The following TLN2 variants were observed in gnomAD, a reference collection of about 807,000 sequenced individuals.
TLN2 encodes talin 2, also known as talin-2.
TLN2 carries 118 observed loss-of-function variants against 294.7 expected under a neutral mutation model. The observed-to-expected ratio is 0.40, with a 90% CI of 0.34 to 0.47. TLN2 has a LOEUF of 0.47. TLN2 is among the 20% of genes least tolerant of loss of function. The pLI is 0.84. For missense variants in TLN2, 3,083 were observed against 3,282.2 expected, an observed-to-expected ratio of 0.94 and a Z score of 1.48; for synonymous variants, 1,431 against 1,304.5, an observed-to-expected ratio of 1.10 and a Z score of -2.09.
At chr15:62,615,360 A>G (rs1280176895) in intron 2 of TLN2, among the ~76,000 whole-genome samples, 3 of 152,236 alleles carry the variant, frequency 2.0e-5, no homozygotes, top group Non-Finnish European at 4.4e-5. Context: ...CAATTGTACA[A>G]TAAATACAAC....
At chr15:62,776,154 GACAC>G (rs2063705993) in intron 42 of TLN2, among the ~76,000 whole-genome samples, 1 of 152,108 alleles carries the variant, frequency 6.6e-6, no homozygotes, top group African/African-American at 2.4e-5. Context: ...TACTCTGCTT[GACAC>G]AGGTGTGAAA....
intron 22 of TLN2, 143 bp downstream of exon 22, chr15:62,712,220 T>C (rs2059470651): frequency 9.9e-7 from 1 of 1,010,568 alleles, no homozygotes; most frequent in Admixed American, 2.8e-5. Context: ...TCTAACCCTG[T>C]TCTTGTGGCA....
chr15:62,745,275 C>G (rs1039862377), intron 32 of TLN2, among the ~76,000 whole-genome samples: 2 of 151,822 alleles, frequency 1.3e-5, no homozygotes, highest in East Asian at 3.9e-4. Flanking sequence ...GGTTATTTAG[C>G]TTTTTTGTAT....
intron 48 of TLN2, 114 bp downstream of exon 48, chr15:62,797,516 G>A: frequency 7.9e-7 from 1 of 1,258,062 alleles, no homozygotes; most frequent in South Asian, 1.6e-5. Flanking sequence ...CAATGTGTGT[G>A]TGAGTGTGTC....
intron 1 of TLN2, among the ~76,000 whole-genome samples, chr15:62,557,716 T>C (rs2042687205): frequency 1.3e-5 from 2 of 152,208 alleles, no homozygotes; most frequent in Admixed American, 6.5e-5. Flanking sequence ...TAATTTTTTA[T>C]TTTTAGTAGA....
At chr15:62,395,522 A>G (rs2032474877) in intron 1 of TLN2, among the ~76,000 whole-genome samples, 1 of 152,216 alleles carries the variant, frequency 6.6e-6, no homozygotes, top group African/African-American at 2.4e-5. Flanking sequence ...CCTTTTGGAA[A>G]AGCAGATCAT....
chr15:62,660,669 T>C (rs2053712968), intron 9 of TLN2, among the ~76,000 whole-genome samples: 1 of 152,228 alleles, frequency 6.6e-6, no homozygotes, highest in African/African-American at 2.4e-5. Flanking sequence ...ATGTGGAATT[T>C]TGTACAAATG....
chr15:62,831,660 T>G (rs2068862279), intron 54 of TLN2: 1 of 152,190 alleles, frequency 6.6e-6, no homozygotes, highest in South Asian at 2.1e-4. Context: ...CTGAATACTC[T>G]TAGAGCAAGA....
chr15:62,825,784 A>ATATAT (rs1555521865), intron 54 of TLN2, among the ~76,000 whole-genome samples: 878 of 14,238 alleles, frequency 0.062, 49 homozygotes, highest in Middle Eastern at 0.071. Flanking sequence ...ATAATATATT[A>ATATAT]TATATTATAA....
At chr15:62,502,295 C>G (rs72753883) in intron 1 of TLN2, among the ~76,000 whole-genome samples, 100 of 152,368 alleles carry the variant, frequency 6.6e-4, no homozygotes, top group Non-Finnish European at 9.6e-4. Flanking sequence ...TTCTCAAATG[C>G]TTTCAAAACA....
intron 1 of TLN2, among the ~76,000 whole-genome samples, chr15:62,585,364 A>G (rs2045506015): frequency 6.6e-6 from 1 of 152,172 alleles, no homozygotes; most frequent in African/African-American, 2.4e-5. Flanking sequence ...ACACCATGCT[A>G]AAAACTTCAC....
chr15:62,604,817 T>C (rs959713755), intron 2 of TLN2, among the ~76,000 whole-genome samples: 2 of 151,900 alleles, frequency 1.3e-5, no homozygotes, highest in Non-Finnish European at 2.9e-5. Context: ...CCATAGATTA[T>C]ACACAGACGC....
intron 2 of TLN2, among the ~76,000 whole-genome samples, chr15:62,601,821 A>C (rs1449730264): frequency 6.6e-6 from 1 of 152,088 alleles, no homozygotes; most frequent in Non-Finnish European, 1.5e-5. Context: ...CTGAGACTTT[A>C]TTTCTTTTTT....
At chr15:62,639,770 A>G (rs2050799332) in intron 3 of TLN2, among the ~76,000 whole-genome samples, 1 of 152,098 alleles carries the variant, frequency 6.6e-6, no homozygotes, top group Non-Finnish European at 1.5e-5. Context: ...CTGGGTTCCC[A>G]CCAGTTGGGA....
Position 62,424,605 on chromosome 15 carries a change from C to T in TLN2, c.-238+33920C>T, listed in dbSNP as rs1248170402. Among the ~76,000 whole-genome samples the T allele has an allele frequency of 2.6e-5, 4 of 152,206 alleles. No homozygotes were observed. The South Asian group carries it at 8.3e-4, about 32-fold the overall frequency. On this transcript the variant is annotated intron_variant, in intron 1 of 58. Coordinates refer to ENST00000636159, the MANE Select transcript of TLN2 (RefSeq NM_015059.3). ...CACCAGGGCCTAGCCCCATCGCACA[C>T]AAGTTGAACCTGAAACTGCCGTCCA...
intron 35 of TLN2, 125 bp from the exon 36 acceptor site, chr15:62,753,648 C>A (rs2062061102): frequency 8.3e-7 from 1 of 1,205,478 alleles, no homozygotes; most frequent in Non-Finnish European, 1.1e-6. Flanking sequence ...ATGAGATGAC[C>A]TTGACCAGTT....
chr15:62,659,179 C>T (rs1262928840), intron 9 of TLN2, among the ~76,000 whole-genome samples: 1 of 152,144 alleles, frequency 6.6e-6, no homozygotes, highest in Non-Finnish European at 1.5e-5. Context: ...GTTCTCAGGA[C>T]TCCCTGTGAA....
Position 62,436,681 on chromosome 15 carries a change from G to A in TLN2, c.-238+45996G>A, listed in dbSNP as rs147269755. ...GTTGTTTGAATTGTTGAAGAGTTGTGTATGGCTTGGTTATTTGCTCCATGA... is the reference window on the plus strand; with the variant it reads ...GTTGTTTGAATTGTTGAAGAGTTGTATATGGCTTGGTTATTTGCTCCATGA... On this transcript the variant is annotated intron_variant, in intron 1 of 58. Transcript: ENST00000636159. Among the ~76,000 whole-genome samples the A allele has an allele frequency of 9.0e-4, 137 of 152,230 alleles. 2 individuals carry two copies. The highest frequency in any genetic ancestry group is 7.5e-3 in the South Asian group (36 of 4,820).
intron 1 of TLN2, among the ~76,000 whole-genome samples, chr15:62,443,987 CAAAA>C (rs1415814558): frequency 1.3e-5 from 2 of 152,106 alleles, no homozygotes; most frequent in South Asian, 4.2e-4. Context: ...GACCCTGTCT[CAAAA>C]CAAATAAAGG....
Sources: gnomAD v4.1 joint callset for allele counts (sites outside exome capture counted in the v4.1 genomes callset) on GRCh38, gnomAD v4.1.1 for gene constraint, MANE v1.5 for transcripts, NCBI Gene and HGNC (gene_info 2026-07-23, HGNC 2026-07-21) for gene names.